MKLN1: variants seen among roughly 807,000 people sequenced by gnomAD.
MKLN1 encodes muskelin.
In MKLN1, 18 loss-of-function variants were observed where a neutral mutation model predicts 99.0. That is an observed-to-expected ratio of 0.18 (90% CI 0.13 to 0.27). The LOEUF is 0.27. MKLN1 is among the 10% of genes least tolerant of loss of function. The pLI is 1.00. For missense variants in MKLN1, 621 were observed against 875.9 expected (o/e 0.71, Z 3.67); for synonymous variants, 288 against 293.2 (o/e 0.98, Z 0.18).
At chr7:131,153,018 C>CAT (rs370745053) in intron 2 of MKLN1, among the ~76,000 whole-genome samples, 1,557 of 140,784 alleles carry the variant, frequency 0.011, 30 homozygotes, top group African/African-American at 0.031. Flanking sequence ...TAATCAGATT[C>CAT]ATATATATAT....
intron 2 of MKLN1, among the ~76,000 whole-genome samples, chr7:131,180,814 C>T (rs1305003778): frequency 6.6e-6 from 1 of 152,032 alleles, no homozygotes. Context: ...GGTTTGGTTA[C>T]AAACTGGTAA....
intron 3 of MKLN1, among the ~76,000 whole-genome samples, chr7:131,299,772 C>T (rs988169699): frequency 2.0e-5 from 3 of 152,124 alleles, no homozygotes; most frequent in Non-Finnish European, 2.9e-5. Context: ...TGTTCGTTAA[C>T]GATGTTAACG....
intron 1 of MKLN1, among the ~76,000 whole-genome samples, chr7:131,138,714 T>A (rs1795687938): frequency 6.6e-6 from 1 of 152,136 alleles, no homozygotes; most frequent in Non-Finnish European, 1.5e-5. Context: ...AAAAAAATTC[T>A]TCAGCTGAAA....
At chr7:131,376,117 T>C (rs1299897858) in intron 2 of MKLN1, among the ~76,000 whole-genome samples, 1 of 198 alleles carries the variant, frequency 5.1e-3, no homozygotes, top group Non-Finnish European at 0.01. Flanking sequence ...TATATATATA[T>C]ATATATATAT....
intron 1 of MKLN1, among the ~76,000 whole-genome samples, chr7:131,351,636 A>T (rs1430661381): frequency 1.3e-5 from 2 of 149,124 alleles, no homozygotes; most frequent in East Asian, 2.0e-4. Context: ...TCATTTTTAA[A>T]TTTTTTTTTT....
intron 5 of MKLN1, among the ~76,000 whole-genome samples, chr7:131,397,981 GTTAA>G (rs1490910631): frequency 5.3e-5 from 8 of 152,198 alleles, no homozygotes; most frequent in South Asian, 2.1e-4. Context: ...TAATTAAGTT[GTTAA>G]TTAATTATAG....
At chr7:131,344,688 A>G (rs1045753369) in intron 1 of MKLN1, among the ~76,000 whole-genome samples, 3 of 152,246 alleles carry the variant, frequency 2.0e-5, no homozygotes, top group African/African-American at 7.2e-5. Context: ...AGTGTGGTCT[A>G]TTCACCAGCA....
At chr7:131,450,511 T>C (rs1431742256) in intron 12 of MKLN1, among the ~76,000 whole-genome samples, 2 of 152,226 alleles carry the variant, frequency 1.3e-5, no homozygotes, top group Non-Finnish European at 2.9e-5. Context: ...AAGTCTAAAC[T>C]TAACATAATT....
chr7:131,392,518 C>G (rs1794223747), intron 4 of MKLN1, among the ~76,000 whole-genome samples: 1 of 151,748 alleles, frequency 6.6e-6, no homozygotes, highest in African/African-American at 2.4e-5. Context: ...GCTAAGTATA[C>G]TTATGTCATT....
At chr7:131,196,825 T>A (rs1398438675) in intron 2 of MKLN1, among the ~76,000 whole-genome samples, 3 of 150,720 alleles carry the variant, frequency 2.0e-5, no homozygotes, top group Admixed American at 6.6e-5. Context: ...AAGCAACATG[T>A]AAATCAGGAA....
At chr7:131,388,138 G>T (rs901600627) in intron 3 of MKLN1, among the ~76,000 whole-genome samples, 6 of 152,208 alleles carry the variant, frequency 3.9e-5, no homozygotes, top group Admixed American at 1.3e-4. Context: ...CTGCACTCCA[G>T]CTGGGGTGAA....
chr7:131,268,523 A>C (rs912928384), intron 3 of MKLN1, among the ~76,000 whole-genome samples: 13 of 152,220 alleles, frequency 8.5e-5, no homozygotes, highest in African/African-American at 3.1e-4. Flanking sequence ...GCAGTAATTC[A>C]AGCATATAAC....
At chr7:131,444,815 AGTAGTAGAAGTGGAAGTG>A (rs1236351706) in intron 11 of MKLN1, among the ~76,000 whole-genome samples, 7 of 148,162 alleles carry the variant, frequency 4.7e-5, no homozygotes, top group Non-Finnish European at 9.0e-5. Flanking sequence ...TAGTAGTAGT[AGTAGTAGAAGTGGAAGTG>A]GAAGTGGAAG....
At chr7:131,129,943 G>A (rs1303492528) in intron 1 of MKLN1, among the ~76,000 whole-genome samples, 4 of 152,130 alleles carry the variant, frequency 2.6e-5, no homozygotes, top group Non-Finnish European at 5.9e-5. Flanking sequence ...AATATTAACA[G>A]TGGCAATATT....
At chr7:131,160,954 A>G (rs903218846) in intron 2 of MKLN1, among the ~76,000 whole-genome samples, 1 of 152,176 alleles carries the variant, frequency 6.6e-6, no homozygotes, top group East Asian at 1.9e-4. Context: ...TGTCCTATCA[A>G]TATGATGGTG....
rs553551313 is a variant in MKLN1 at position 131,405,722 on chromosome 7, C to T, written c.704-5584C>T. ...TGGTTTTTAATTTACAAATTTGTGGCGATTTACTACTTGTTTTCTTTGTTA... is the reference window on the plus strand; with the variant it reads ...TGGTTTTTAATTTACAAATTTGTGGTGATTTACTACTTGTTTTCTTTGTTA... On this transcript the variant is annotated intron_variant, in intron 6 of 17. Transcript: ENST00000352689. Among the ~76,000 whole-genome samples, 7 of 152,056 alleles carry T rather than the reference C, an allele frequency of 4.6e-5. No individual in the cohort carries two copies. The East Asian group carries it at 9.6e-4, about 21-fold the overall frequency.
chr7:131,463,502 C>A, intron 13 of MKLN1, 138 bp downstream of exon 13: 1 of 850,724 alleles, frequency 1.2e-6, no homozygotes, highest in Admixed American at 2.4e-5. Context: ...GGAAAAAAAT[C>A]AATATCGGTA....
rs546813777 is a variant in MKLN1, at chr7:131,366,494, G to A, written c.99-8930G>A. ...CTCAATTTTTTGCCCAATTGCTGCT[G>A]TTATATTTAAGTATTCTTAAGAGTA... On this transcript the variant is annotated intron_variant, in intron 1 of 17. Coordinates refer to ENST00000352689, the MANE Select transcript of MKLN1 (RefSeq NM_013255.5). 1.3e-5 allele frequency among the ~76,000 whole-genome samples: 2 copies of A among 152,192 alleles called. 1 individual carries two copies. Among genetic ancestry groups the A allele is most frequent in the African/African-American group, 4.8e-5 (2 of 41,534 alleles).
chr7:131,222,177 T>A (rs1021189965), intron 3 of MKLN1, among the ~76,000 whole-genome samples: 1 of 152,224 alleles, frequency 6.6e-6, no homozygotes, highest in African/African-American at 2.4e-5. Context: ...TACAGGCCAC[T>A]GTGCCTGGCC....
Sources: allele counts gnomAD v4.1 joint callset (sites outside exome capture counted in the v4.1 genomes callset), GRCh38; gene constraint gnomAD v4.1.1; transcripts MANE v1.5; gene names NCBI Gene and HGNC (gene_info 2026-07-23, HGNC 2026-07-21).